C17orf58: variants seen among roughly 807,000 people sequenced by gnomAD.
C17orf58 encodes the protein UPF0450 protein C17orf58.
Under a neutral mutation model 7.4 loss-of-function variants are expected in C17orf58, and 5 were observed. That is an observed-to-expected ratio of 0.67 (90% CI 0.35 to 1.42). C17orf58 has a LOEUF of 1.42. Among genes scored for constraint, C17orf58 ranks in the 40% most tolerant of loss-of-function variants. The probability of loss-of-function intolerance (pLI) is 0.04; values close to 1 mark genes in which losing one functional copy is unlikely to be tolerated. For synonymous variants in C17orf58, 60 were observed against 70.6 expected, an observed-to-expected ratio of 0.85 and a Z score of 0.75; for missense variants, 162 against 174.2, an observed-to-expected ratio of 0.93 and a Z score of 0.40.
At chr17:67,994,514 G>GTATATATATATATATATA (rs1555699612) in intron 1 of C17orf58, among the ~76,000 whole-genome samples, 3 of 87,196 alleles carry the variant, frequency 3.4e-5, no homozygotes, top group East Asian at 2.3e-4. Context: ...GTGTGTGTGT[G>GTATATATATATATATATA]TGTATATATA....
rs2049803793 is a variant in C17orf58, at chr17:67,993,552, G to A, written c.509C>T (p.Pro170Leu). 1 of 317,916 alleles carries A rather than the reference G, an allele frequency of 3.1e-6. No homozygotes were observed. The highest frequency in any genetic ancestry group is 5.7e-6 in the Non-Finnish European group (1 of 175,192). 19.7% of individuals were successfully genotyped at this position (317,916 alleles called of 1,614,324 possible). Residue 170 changes from proline to leucine, a missense_variant, in exon 2 of 4, where the codon CCG becomes CTG. By Grantham distance (98) the Pro-to-Leu change is moderately conservative. This residue lies in a region of C17orf58 where 93 missense variants were observed against 90.4 expected (regional missense o/e 1.03). Coordinates refer to ENST00000580729, the MANE Select transcript of C17orf58 (RefSeq NM_001382359.1). This position sits in a 1 kb window ranked among gnomAD's most constrained non-coding sequence, Gnocchi z 5.1. ...GCCGAAGCTGAGGCTGAAGCGCGGC[G>A]GCGGCGCGGGCGCGGGTCCCGGGGC... ...ALAPGPAPAPPPRFSLSFGLS... is the reference protein window; with the variant it reads ...ALAPGPAPAPLPRFSLSFGLS...
Position 67,996,242 on chromosome 17 carries a change from T to G in C17orf58, c.-44A>C. The G allele has an allele frequency of 2.5e-6, 1 of 398,848 alleles. No homozygotes were observed. Among genetic ancestry groups the G allele is most frequent in the Non-Finnish European group, 4.4e-6 (1 of 226,026 alleles). The allele number at this position is 398,848 out of a possible 1,614,324, so 24.7% of individuals were successfully genotyped here. On this transcript the variant is annotated 5_prime_UTR_variant, in exon 1 of 4. Transcript: ENST00000580729. The stretch of plus-strand genomic sequence containing the variant: ...CAGGCTCTAAAAGTGAGCCTGGTCT[T>G]TTGCTTGCTTTCTCTCCCCCAACCC...
Position 67,993,242 on chromosome 17 carries a change from C to T in C17orf58, c.638-7G>A. 1 of 1,522,324 alleles carries T rather than the reference C, an allele frequency of 6.6e-7. No individual in the cohort carries two copies. Among genetic ancestry groups the T allele is most frequent in the Non-Finnish European group, 8.9e-7 (1 of 1,118,258 alleles). 94.3% of individuals were successfully genotyped at this position (1,522,324 alleles called of 1,614,324 possible). ...TGCACGATCCCGTTCACCGCTGCTT[C>T]CGAAAAACAGTTTGGAGAAGAGCAT... On this transcript the variant is annotated splice_polypyrimidine_tract_variant and splice_region_variant and intron_variant, in intron 2 of 3. Transcript: ENST00000580729. The surrounding 1 kb of genome is among the most constrained non-coding windows in gnomAD (Gnocchi z 5.1).
At chr17:67,992,881 C>T in intron 3 of C17orf58, 163 bp downstream of exon 3, 1 of 1,609,978 alleles carries the variant, frequency 6.2e-7, no homozygotes, top group Admixed American at 1.7e-5. Flanking sequence ...GCTTAAATCA[C>T]AGAGTGGCCG....
intron 3 of C17orf58, among the ~76,000 whole-genome samples, 184 bp from the exon 4 acceptor site, chr17:67,992,287 G>A (rs2070840934): frequency 6.6e-6 from 1 of 152,172 alleles, no homozygotes; most frequent in Non-Finnish European, 1.5e-5. Flanking sequence ...TAACCAACCA[G>A]GCCGGTGTGG....
chr17:67,991,734 A>C lies in C17orf58; in HGVS notation c.*179T>G, dbSNP rs1555699259. 3.9e-6 allele frequency: 2 copies of C among 511,166 alleles called. No homozygotes were observed. The highest frequency in any genetic ancestry group is 6.8e-6 in the Non-Finnish European group (2 of 292,428). 31.7% of individuals were successfully genotyped at this position (511,166 alleles called of 1,614,324 possible). A position where few individuals can be genotyped will look rare whatever the true frequency, so the allele number is the denominator to read the frequency against. On this transcript the variant is annotated 3_prime_UTR_variant, in exon 4 of 4. Coordinates refer to ENST00000580729, the MANE Select transcript of C17orf58 (RefSeq NM_001382359.1). ...TGAGCTCAGGAGCAGCCCATTTAAG[A>C]AGCATCTTGTAAATAACAAAGTGAC...
chr17:67,995,420 A>G (rs1193270496), intron 1 of C17orf58, among the ~76,000 whole-genome samples: 1 of 152,214 alleles, frequency 6.6e-6, no homozygotes, highest in African/African-American at 2.4e-5. Flanking sequence ...TTCAATTTCC[A>G]TGTGGAAAAA....
chr17:67,993,493 C>T lies in C17orf58; in HGVS notation c.568G>A (p.Ala190Thr), dbSNP rs2070859363. ...CGGCAGGCGCGCGCGCAGGGCTCAGCGCCGGGCTCCGCGTCCCTCTGCGGC... is the reference window on the plus strand; with the variant it reads ...CGGCAGGCGCGCGCGCAGGGCTCAGTGCCGGGCTCCGCGTCCCTCTGCGGC... ...SPPQRDAEPG[A>T]EPCARACRSD... is the part of the protein sequence containing the mutation. The change falls in exon 2 of 4, where the codon GCT becomes ACT. Residue 190 changes from alanine to threonine, a missense_variant. This residue lies in a region of C17orf58 where 93 missense variants were observed against 90.4 expected (regional missense o/e 1.03). Transcript: ENST00000580729. The surrounding 1 kb of genome is among the most constrained non-coding windows in gnomAD (Gnocchi z 5.1). 1 of 403,744 alleles carries T rather than the reference C, an allele frequency of 2.5e-6. No individual in the cohort carries two copies. Among genetic ancestry groups the T allele is most frequent in the Non-Finnish European group, 4.3e-6 (1 of 230,210 alleles). 25.0% of individuals were successfully genotyped at this position (403,744 alleles called of 1,614,324 possible).
At chr17:67,994,785 G>C (rs1437220475) in intron 1 of C17orf58, among the ~76,000 whole-genome samples, 1 of 151,868 alleles carries the variant, frequency 6.6e-6, no homozygotes, top group Non-Finnish European at 1.5e-5. Flanking sequence ...AGCTAAGGAA[G>C]GTTTTAAAAG....
At position 67,993,903 on chromosome 17, in the gene C17orf58, A is replaced by C; in HGVS notation, c.158T>G (p.Leu53Arg). ...GCGCGGCCGCTGCGGGGCCTCAAGG[A>C]GTGGCTGCGCGCGGGGCCCCGGTGT... ...EETPGPRAQP[L>R]LEAPQRPRAA... Residue 53 changes from leucine (L) to arginine (R), a missense_variant, in exon 2 of 4, where the codon CTC becomes CGC. Transcript: ENST00000580729. The surrounding 1 kb of genome is among the most constrained non-coding windows in gnomAD (Gnocchi z 5.1). The C allele has an allele frequency of 7.7e-6, 3 of 387,726 alleles. No homozygotes were observed. Among genetic ancestry groups the C allele is most frequent in the Non-Finnish European group, 4.5e-6 (1 of 220,146 alleles). The allele number at this position is 387,726 out of a possible 1,614,324, so 24.0% of individuals were successfully genotyped here.
intron 3 of C17orf58, 70 bp downstream of exon 3, chr17:67,992,969 CCCGGG>C (rs782783654): frequency 7.4e-6 from 12 of 1,614,078 alleles, no homozygotes; most frequent in Admixed American, 1.7e-5. Context: ...CGACCTACAG[CCCGGG>C]CTGTGGCACC....
In C17orf58 at chr17:67,993,271, C is replaced by G. The variant is rs2070855597; in HGVS notation, c.638-36G>C. On this transcript the variant is annotated intron_variant, in intron 2 of 3. Transcript: ENST00000580729. The surrounding 1 kb of genome is among the most constrained non-coding windows in gnomAD (Gnocchi z 5.1). ...AAAACAGTTTGGAGAAGAGCATTAC[C>G]CCGAGTTCCTCTCCCAGTCCCCCAG... The G allele has an allele frequency of 7.7e-7, 1 of 1,307,094 alleles. No homozygotes were observed. Among genetic ancestry groups the G allele is most frequent in the African/African-American group, 1.5e-5 (1 of 67,948 alleles). The allele number at this position is 1,307,094 out of a possible 1,614,324, so 81.0% of individuals were successfully genotyped here. A position where few individuals can be genotyped will look rare whatever the true frequency, so the allele number is the denominator to read the frequency against.
intron 1 of C17orf58, among the ~76,000 whole-genome samples, chr17:67,995,071 A>AT (rs2070881097): frequency 6.6e-6 from 1 of 151,800 alleles, no homozygotes; most frequent in Non-Finnish European, 1.5e-5. Context: ...ACTAGCCTTT[A>AT]TTTTTCTCTC....
chr17:67,994,990 C>T (rs782441686), intron 1 of C17orf58, among the ~76,000 whole-genome samples: 7 of 152,142 alleles, frequency 4.6e-5, no homozygotes, highest in Non-Finnish European at 1.0e-4. Flanking sequence ...GAGCTGGGCA[C>T]CTTTCCATAC....
In C17orf58 at chr17:67,991,402, G is replaced by C. The variant is rs1244381600; in HGVS notation, c.*511C>G. 6.6e-6 allele frequency: 1 copy of C among 151,270 alleles called. No homozygotes were observed. Among genetic ancestry groups the C allele is most frequent in the Non-Finnish European group, 1.5e-5 (1 of 67,878 alleles). 9.4% of individuals were successfully genotyped at this position (151,270 alleles called of 1,614,324 possible). A position where few individuals can be genotyped will look rare whatever the true frequency, so the allele number is the denominator to read the frequency against. ...CTTTAAGTATAAAACTTTAATACTT[G>C]TCCTGGGCTTTGACCCTTGTGTTTG... is the stretch of plus-strand genomic sequence containing the variant. On this transcript the variant is annotated 3_prime_UTR_variant, in exon 4 of 4. Coordinates refer to ENST00000580729, the MANE Select transcript of C17orf58 (RefSeq NM_001382359.1).
chr17:67,993,063 C>T lies in C17orf58; in HGVS notation c.810G>A (p.Pro270=), dbSNP rs2070851136. 6.2e-7 allele frequency: 1 copy of T among 1,614,168 alleles called. No homozygotes were observed. The highest frequency in any genetic ancestry group is 8.5e-7 in the Non-Finnish European group (1 of 1,180,024). Residue 270 remains proline (P), a synonymous_variant, in exon 3 of 4, where the codon CCG becomes CCA. Coordinates refer to ENST00000580729, the MANE Select transcript of C17orf58 (RefSeq NM_001382359.1). This position sits in a 1 kb window ranked among gnomAD's most constrained non-coding sequence, Gnocchi z 5.1. Reference sequence around the variant, plus strand: ...CAATACCAGGTTTAAACTCTGGACACGGCTTATTGCAGCTGGAGGAGTCCA... The same window carrying T: ...CAATACCAGGTTTAAACTCTGGACATGGCTTATTGCAGCTGGAGGAGTCCA... The part of the protein sequence containing the change: ...LALDSSSCNK[P]CPEFKPGSRY...
rs1453776593 is a variant in C17orf58 at position 67,993,460 on chromosome 17, G to C, written c.601C>G (p.Leu201Val). Residue 201 changes from leucine (L) to valine (V), a missense_variant, in exon 2 of 4, where the codon CTG becomes GTG. Coordinates refer to ENST00000580729, the MANE Select transcript of C17orf58 (RefSeq NM_001382359.1). This position sits in a 1 kb window ranked among gnomAD's most constrained non-coding sequence, Gnocchi z 5.1. Reference protein sequence around the residue: ...EPCARACRSDLDEREAFCESE... With the variant: ...EPCARACRSDVDEREAFCESE... ...TCGCAGAACGCCTCGCGTTCGTCCA[G>C]ATCGGACCGGCAGGCGCGCGCGCAG... 1.3e-5 allele frequency: 6 copies of C among 477,022 alleles called. No individual in the cohort carries two copies. The highest frequency in any genetic ancestry group is 2.2e-5 in the Non-Finnish European group (6 of 273,858). The allele number at this position is 477,022 out of a possible 1,614,324, so 29.5% of individuals were successfully genotyped here. A position where few individuals can be genotyped will look rare whatever the true frequency, so the allele number is the denominator to read the frequency against.
chr17:67,994,134 G>A (rs2070869323), intron 1 of C17orf58, 150 bp from the exon 2 acceptor site: 1 of 364,216 alleles, frequency 2.7e-6, no homozygotes, highest in East Asian at 4.0e-5. Context: ...AAGCCAGGAG[G>A]GGAGGAGGCC....
At chr17:67,994,516 G>GTGTATATATATATATA (rs1244199425) in intron 1 of C17orf58, among the ~76,000 whole-genome samples, 4 of 89,546 alleles carry the variant, frequency 4.5e-5, no homozygotes, top group African/African-American at 1.5e-4. Flanking sequence ...GTGTGTGTGT[G>GTGTATATATATATATA]TATATATATA....
Sources: allele counts gnomAD v4.1 joint callset (sites outside exome capture counted in the v4.1 genomes callset), GRCh38; gene constraint gnomAD v4.1.1; regional missense constraint gnomAD v4.1.1; non-coding constraint Gnocchi (gnomAD v3.1); transcripts MANE v1.5; gene names NCBI Gene and HGNC (gene_info 2026-07-23, HGNC 2026-07-21).